Variants in MRPS5 observed in about 807,000 individuals in gnomAD.
The protein encoded by MRPS5 is mitochondrial ribosomal protein S5, also known as small ribosomal subunit protein uS5m.
In MRPS5, 27 loss-of-function variants were observed where a neutral mutation model predicts 51.9. That is an observed-to-expected ratio of 0.52 (90% confidence interval 0.38 to 0.72). The LOEUF is 0.72. Among genes scored for constraint, MRPS5 ranks in the 30% least tolerant of loss-of-function variants. The pLI, the probability that MRPS5 is intolerant of heterozygous loss-of-function variation, is 0.00. For synonymous variants in MRPS5, 196 were observed against 193.2 expected (o/e 1.01, Z -0.12); for missense variants, 570 against 545.7 (o/e 1.04, Z -0.44).
intron 3 of MRPS5, among the ~76,000 whole-genome samples, chr2:95,113,717 A>G (rs1676195658): frequency 6.6e-6 from 1 of 152,064 alleles, no homozygotes. Flanking sequence ...TACACAAATG[A>G]CCTACTAGGA....
chr2:95,115,590 G>A (rs1366140709), intron 2 of MRPS5, among the ~76,000 whole-genome samples: 3 of 152,132 alleles, frequency 2.0e-5, no homozygotes, highest in Admixed American at 6.5e-5. Context: ...AGAAGAGCAA[G>A]GTGCAGGAGA....
At chr2:95,090,597 T>A in intron 10 of MRPS5, 75 bp from the exon 11 acceptor site, 2 of 1,580,850 alleles carry the variant, frequency 1.3e-6, no homozygotes, top group Non-Finnish European at 1.7e-6. Context: ...GGCTTTCGCA[T>A]GGCTTCAGGC....
intron 10 of MRPS5, 25 bp downstream of exon 10, chr2:95,100,449 C>CA: frequency 6.5e-7 from 1 of 1,538,154 alleles, no homozygotes. Context: ...TTATCATCAA[C>CA]AAATGGTAAG....
intron 8 of MRPS5, 117 bp downstream of exon 8, chr2:95,101,560 C>A: frequency 1.3e-6 from 1 of 742,506 alleles, no homozygotes; most frequent in South Asian, 2.2e-5. Flanking sequence ...CCCTTGACAG[C>A]AAGCCTCATG....
chr2:95,117,290 A>G (rs1279411505), intron 2 of MRPS5, among the ~76,000 whole-genome samples: 1 of 152,006 alleles, frequency 6.6e-6, no homozygotes, highest in African/African-American at 2.4e-5. Context: ...TGTTTGAGAG[A>G]TTTTAGAAAA....
Position 95,117,925 on chromosome 2 carries a change from A to T in MRPS5, c.79T>A (p.Cys27Ser). The change falls in exon 2 of 12, where the codon TGT (cysteine) becomes AGT (serine). Residue 27 changes from cysteine (C) to serine (S), a missense_variant. Cys to Ser is a moderately radical substitution (Grantham distance 112, BLOSUM62 -1). Coordinates refer to ENST00000272418, the MANE Select transcript of MRPS5 (RefSeq NM_031902.5). Reference sequence around the variant, plus strand: ...GCTGCTGGTAAGGTGTTTAGGGAACACTGCCTCCCCAATAAATGACCTGCA... The same window carrying T: ...GCTGCTGGTAAGGTGTTTAGGGAACTCTGCCTCCCCAATAAATGACCTGCA... Reference protein sequence around the residue: ...GTAGHLLGRQCSLNTLPAASI... With the variant: ...GTAGHLLGRQSSLNTLPAASI... 2 of 1,604,748 alleles carry T rather than the reference A, an allele frequency of 1.2e-6. No homozygotes were observed. The highest frequency in any genetic ancestry group is 1.7e-6 in the Non-Finnish European group (2 of 1,178,044).
At chr2:95,101,412 C>T (rs1327917869) in intron 8 of MRPS5, among the ~76,000 whole-genome samples, 1 of 151,744 alleles carries the variant, frequency 6.6e-6, no homozygotes, top group Non-Finnish European at 1.5e-5. Context: ...GTAACAATTC[C>T]TTAGTATCTT....
At chr2:95,101,747 A>G in intron 7 of MRPS5, 24 bp from the exon 8 acceptor site, 1 of 1,568,014 alleles carries the variant, frequency 6.4e-7, no homozygotes, top group Non-Finnish European at 8.7e-7. Flanking sequence ...AGCAAAAATA[A>G]GAAAAGAGAC....
chr2:95,106,499 T>C, intron 5 of MRPS5, 42 bp from the exon 6 acceptor site: 1 of 1,517,786 alleles, frequency 6.6e-7, no homozygotes, highest in Non-Finnish European at 9.2e-7. Flanking sequence ...GAAATGTGTG[T>C]ACACAATTAA....
chr2:95,115,908 CTT>C (rs896022157), intron 2 of MRPS5, among the ~76,000 whole-genome samples: 13 of 141,810 alleles, frequency 9.2e-5, no homozygotes, highest in Non-Finnish European at 1.2e-4. Context: ...CCTTAATTTT[CTT>C]TTTTTTTTTT....
intron 10 of MRPS5, among the ~76,000 whole-genome samples, chr2:95,099,872 T>C (rs1243375362): frequency 6.6e-6 from 1 of 152,256 alleles, no homozygotes. Context: ...TTTTTGAGAC[T>C]TATATACCAA....
chr2:95,113,427 G>A (rs1326955553), intron 3 of MRPS5, among the ~76,000 whole-genome samples: 1 of 152,062 alleles, frequency 6.6e-6, no homozygotes, highest in Non-Finnish European at 1.5e-5. Flanking sequence ...AGTGAGCCGA[G>A]ACCACGCCAC....
chr2:95,087,463 T>C lies in MRPS5; in HGVS notation c.1187A>G (p.Glu396Gly). ...GACGTCTGGAACCTCATCTTCTGGC[T>C]CTGGATCCTTCCTCAAGGGCCCCCG... ...SPRGPLRKDP[E>G]PEDEVPDVKL... Residue 396 changes from glutamate to glycine, a missense_variant, in exon 12 of 12, where the codon GAG becomes GGG. Transcript: ENST00000272418. 6.2e-7 allele frequency: 1 copy of C among 1,614,172 alleles called. No individual in the cohort carries two copies. The highest frequency in any genetic ancestry group is 8.5e-7 in the Non-Finnish European group (1 of 1,180,026).
chr2:95,092,285 G>A (rs1247790424), intron 10 of MRPS5: 1 of 152,234 alleles, frequency 6.6e-6, no homozygotes, highest in Non-Finnish European at 1.5e-5. Context: ...AGCCGAAGTA[G>A]AAGTGTTCCA....
chr2:95,114,953 C>T, intron 3 of MRPS5, 113 bp downstream of exon 3: 1 of 939,824 alleles, frequency 1.1e-6, no homozygotes, highest in South Asian at 2.3e-5. Context: ...TTTAACAGTA[C>T]ATTGTAAACT....
chr2:95,091,397 C>T (rs1457985482), intron 10 of MRPS5: 1 of 152,588 alleles, frequency 6.6e-6, no homozygotes, highest in African/African-American at 2.4e-5. Context: ...TGGCATCCTT[C>T]CTTCTGCCTT....
intron 3 of MRPS5, 142 bp downstream of exon 3, chr2:95,114,924 C>G (rs758541811): frequency 4.2e-5 from 32 of 753,084 alleles, no homozygotes; most frequent in Admixed American, 1.1e-4. Flanking sequence ...CTAGGATGTA[C>G]ATCAAGGAAC....
rs745779641 is a variant in MRPS5, at chr2:95,101,933, C to A, written c.764-210G>T. 3 of 506,928 alleles carry A rather than the reference C, an allele frequency of 5.9e-6. No individual in the cohort carries two copies. In the South Asian group the frequency reaches 7.6e-5, roughly 13 times the overall value. 31.4% of individuals were successfully genotyped at this position (506,928 alleles called of 1,614,324 possible). ...CTTTAGGAGGCTGAGGTGGGAGGAT[C>A]GCTTGAGCCCAGGAGTTTGAGACCA... On this transcript the variant is annotated intron_variant, in intron 7 of 11. Coordinates refer to ENST00000272418, the MANE Select transcript of MRPS5 (RefSeq NM_031902.5).
intron 1 of MRPS5, 101 bp downstream of exon 1, chr2:95,121,633 G>A (rs1219273004): frequency 4.5e-6 from 6 of 1,323,588 alleles, no homozygotes; most frequent in South Asian, 2.7e-5. Context: ...GCCGGGGGCC[G>A]CGGCTTCTCG....
Sources: gnomAD v4.1 joint callset for allele counts (sites outside exome capture counted in the v4.1 genomes callset) on GRCh38, gnomAD v4.1.1 for gene constraint, MANE v1.5 for transcripts, NCBI Gene and HGNC (gene_info 2026-07-23, HGNC 2026-07-21) for gene names.